The following MYO7A variants were observed in gnomAD, a reference collection of about 807,000 sequenced individuals.
The protein encoded by MYO7A is unconventional myosin-VIIa.
A neutral mutation model predicts 263.8 loss-of-function variants in MYO7A; 210 were observed. The ratio of observed to expected loss-of-function variants is 0.80; its 90% CI spans 0.71 to 0.89. The LOEUF (loss-of-function observed/expected upper bound fraction) is 0.89, where lower values mean the gene tolerates loss of function less well. Ranked by LOEUF, MYO7A falls within the 40% of genes least tolerant of loss-of-function variation. The pLI, the probability that MYO7A is intolerant of heterozygous loss-of-function variation, is 0.00. For synonymous variants in MYO7A, 1,239 were observed against 1,197.3 expected, an observed-to-expected ratio of 1.03 and a Z score of -0.72; for missense variants, 2,820 against 2,968.3, an observed-to-expected ratio of 0.95 and a Z score of 1.16.
chr11:77,142,878 CAGCTG>C, intron 3 of MYO7A, 56 bp downstream of exon 3: 1 of 1,404,970 alleles, frequency 7.1e-7, no homozygotes, highest in Non-Finnish European at 9.9e-7. Context: ...CCTGGGCTGA[CAGCTG>C]CCTTGATGCA....
intron 27 of MYO7A, among the ~76,000 whole-genome samples, chr11:77,185,921 C>A (rs1475525902): frequency 7.1e-6 from 1 of 140,588 alleles, no homozygotes; most frequent in Non-Finnish European, 1.6e-5. Flanking sequence ...CCTTGTACAT[C>A]ATTTTTTTTT....
intron 37 of MYO7A, 41 bp from the exon 38 acceptor site, chr11:77,203,019 C>T: frequency 6.5e-7 from 1 of 1,539,416 alleles, no homozygotes; most frequent in East Asian, 2.5e-5. Flanking sequence ...CCCGGGGCTG[C>T]CAGCGATGGG....
chr11:77,140,171 A>C (rs1555049760), intron 2 of MYO7A, among the ~76,000 whole-genome samples: 1 of 152,168 alleles, frequency 6.6e-6, no homozygotes, highest in East Asian at 1.9e-4. Context: ...GGGGAAACAA[A>C]CATTTTCTGT....
chr11:77,200,940 G>C (rs1009230620), intron 35 of MYO7A, among the ~76,000 whole-genome samples: 5 of 152,152 alleles, frequency 3.3e-5, no homozygotes, highest in South Asian at 2.1e-4. Context: ...AGTGGGGAGG[G>C]GGGTGGGAAG....
chr11:77,182,221 T>C (rs1364852954), intron 24 of MYO7A, 67 bp downstream of exon 24: 103 of 1,581,426 alleles, frequency 6.5e-5, no homozygotes, highest in Non-Finnish European at 8.6e-5. Context: ...ACTCTGCTGC[T>C]GGTGGTGGCC....
At position 77,205,456 on chromosome 11, in the gene MYO7A, C is replaced by T. The variant is rs1327983684; in HGVS notation, c.5481-6C>T. 1.5e-5 allele frequency: 24 copies of T among 1,560,484 alleles called. No homozygotes were observed. The highest frequency in any genetic ancestry group is 5.5e-5 in the African/African-American group (4 of 73,390). On this transcript the variant is annotated splice_polypyrimidine_tract_variant and splice_region_variant and intron_variant, in intron 39 of 48. Transcript: ENST00000409709. ...CCCCTGCTGGAGCCCACGCCTCCTC[C>T]TGCAGGTACAGCGAGGAGCGGGGTT... is the stretch of plus-strand genomic sequence containing the variant.
At position 77,202,308 on chromosome 11, in the gene MYO7A, C is replaced by T. The variant is rs1158676605; in HGVS notation, c.5052C>T (p.Val1684=). Reference sequence around the variant, plus strand: ...TGTCTCTTGGTCCCTAGGCCCTGGTCACCATGACTCCCGATCAGAGGCAGG... The same window carrying T: ...TGTCTCTTGGTCCCTAGGCCCTGGTTACCATGACTCCCGATCAGAGGCAGG... ...TMPPREIVAL[V]TMTPDQRQDV... Residue 1684 remains valine (V), a synonymous_variant, in exon 37 of 49, where the codon GTC becomes GTT. Coordinates refer to ENST00000409709, the MANE Select transcript of MYO7A (RefSeq NM_000260.4). 6.3e-7 allele frequency: 1 copy of T among 1,586,294 alleles called. No homozygotes were observed. The highest frequency in any genetic ancestry group is 8.6e-7 in the Non-Finnish European group (1 of 1,165,486).
chr11:77,165,042 C>T (rs1272787839), intron 14 of MYO7A, among the ~76,000 whole-genome samples: 1 of 152,216 alleles, frequency 6.6e-6, no homozygotes, highest in Non-Finnish European at 1.5e-5. Context: ...CCTTCCCATC[C>T]AACAGTTAAG....
At chr11:77,175,586 G>C (rs1175301384) in intron 18 of MYO7A, 122 bp downstream of exon 18, 2 of 965,898 alleles carry the variant, frequency 2.1e-6, no homozygotes, top group Non-Finnish European at 3.3e-6. Flanking sequence ...CCGGGCTGTG[G>C]TGTGGCTGGA....
intron 34 of MYO7A, 108 bp from the exon 35 acceptor site, chr11:77,199,427 C>T: frequency 8.0e-7 from 1 of 1,255,446 alleles, no homozygotes. Flanking sequence ...TGGGCCATGC[C>T]TGACTCTGGC....
rs368349650 is a variant in MYO7A, at chr11:77,190,842, T to C, written c.3896T>C (p.Phe1299Ser). 1 of 1,585,058 alleles carries C rather than the reference T, an allele frequency of 6.3e-7. No individual in the cohort carries two copies. Among genetic ancestry groups the C allele is most frequent in the African/African-American group, 1.3e-5 (1 of 74,262 alleles). Residue 1299 changes from phenylalanine (F) to serine (S), a missense_variant, in exon 30 of 49, where the codon TTC becomes TCC. Coordinates refer to ENST00000409709, the MANE Select transcript of MYO7A (RefSeq NM_000260.4). ...DKISLKDRFG[F>S]SLYIALFDKV... Reference sequence around the variant, plus strand: ...ATCTCTCTCAAGGACCGGTTCGGGTTCTCCCTCTACATTGCCCTGTTTGAC... The same window carrying C: ...ATCTCTCTCAAGGACCGGTTCGGGTCCTCCCTCTACATTGCCCTGTTTGAC...
rs9804531 is a variant in MYO7A, at chr11:77,138,203, A to G, written c.19-4506A>G. On this transcript the variant is annotated intron_variant, in intron 2 of 48. Transcript: ENST00000409709. This position sits in a 1 kb window ranked among gnomAD's most constrained non-coding sequence, Gnocchi z 4.9. ...GGGCGTCACCTAAGCCGCCGTTGCCATGGGCCCGCAGCAGATGGCCCGGTT... is the reference window on the plus strand; with the variant it reads ...GGGCGTCACCTAAGCCGCCGTTGCCGTGGGCCCGCAGCAGATGGCCCGGTT... Among the ~76,000 whole-genome samples the G allele has an allele frequency of 0.016, 2,382 of 151,834 alleles. 54 individuals are homozygous for G. The highest frequency in any genetic ancestry group is 0.053 in the African/African-American group (2,208 of 41,416).
chr11:77,205,837 TATCGG>T (rs1957412852), intron 40 of MYO7A, among the ~76,000 whole-genome samples: 1 of 152,150 alleles, frequency 6.6e-6, no homozygotes, highest in South Asian at 2.1e-4. Context: ...GCTCCCAGGC[TATCGG>T]GTGGGCACAG....
chr11:77,129,197 C>T (rs1178005382), intron 1 of MYO7A, among the ~76,000 whole-genome samples: 2 of 152,224 alleles, frequency 1.3e-5, no homozygotes, highest in African/African-American at 4.8e-5. Flanking sequence ...GCATAGGGCG[C>T]CTGCTCCACA....
intron 5 of MYO7A, among the ~76,000 whole-genome samples, chr11:77,156,414 T>A (rs1296341334): frequency 1.3e-5 from 2 of 152,246 alleles, no homozygotes; most frequent in African/African-American, 4.8e-5. Context: ...AAGCATTGAC[T>A]GAGCATCTAA....
intron 3 of MYO7A, among the ~76,000 whole-genome samples, chr11:77,147,295 G>A (rs1555054178): frequency 6.6e-6 from 1 of 151,900 alleles, no homozygotes; most frequent in African/African-American, 2.4e-5. Context: ...CCTCCTCGGA[G>A]GGGCAGTCCC....
rs898008540 is a variant in MYO7A, at chr11:77,213,374, C to G, written c.6438+339C>G. 6.6e-5 allele frequency among the ~76,000 whole-genome samples: 10 copies of G among 152,238 alleles called. No homozygotes were observed. In the East Asian group the frequency reaches 1.9e-3, roughly 29 times the overall value. On this transcript the variant is annotated intron_variant, in intron 47 of 48. Transcript: ENST00000409709. ...TCTGTGTTTCTGGGCCAGAGCAGCC[C>G]AGCTGCACACCCAGAGGGTCCGACT... is the stretch of plus-strand genomic sequence containing the variant.
chr11:77,198,615 G>A lies in MYO7A; in HGVS notation c.4562G>A (p.Ser1521Asn). Residue 1521 changes from serine (S) to asparagine (N), a missense_variant, in exon 34 of 49, where the codon AGC becomes AAC. Coordinates refer to ENST00000409709, the MANE Select transcript of MYO7A (RefSeq NM_000260.4). Reference protein sequence around the residue: ...LSFPEIMAVSSSRECRVWLSL... With the variant: ...LSFPEIMAVSNSRECRVWLSL... Reference sequence around the variant, plus strand: ...TTCCCAGAGATCATGGCCGTGTCCAGCAGCAGGTGAGGAGGCCCGCATGGA... The same window carrying A: ...TTCCCAGAGATCATGGCCGTGTCCAACAGCAGGTGAGGAGGCCCGCATGGA... 6.2e-7 allele frequency: 1 copy of A among 1,613,784 alleles called. No individual in the cohort carries two copies. Among genetic ancestry groups the A allele is most frequent in the Non-Finnish European group, 8.5e-7 (1 of 1,179,854 alleles).
chr11:77,199,745 G>C lies in MYO7A; in HGVS notation c.4779G>C (p.Leu1593=). Residue 1593 remains leucine, a synonymous_variant, in exon 35 of 49, where the codon CTG becomes CTC. Transcript: ENST00000409709. ...GCAATGCTGAGGACATTCGTGACCT[G>C]GTGGTCACCTTCCTAGAGGGGCTCC... ...TSSNAEDIRD[L]VVTFLEGLRK... 1 of 1,613,288 alleles carries C rather than the reference G, an allele frequency of 6.2e-7. No individual in the cohort carries two copies. The highest frequency in any genetic ancestry group is 8.5e-7 in the Non-Finnish European group (1 of 1,179,506).
Sources: allele counts gnomAD v4.1 joint callset (sites outside exome capture counted in the v4.1 genomes callset), GRCh38; gene constraint gnomAD v4.1.1; non-coding constraint Gnocchi (gnomAD v3.1); transcripts MANE v1.5; gene names NCBI Gene and HGNC (gene_info 2026-07-23, HGNC 2026-07-21).